LRRC71: variants seen among roughly 807,000 people sequenced by gnomAD.
LRRC71 encodes the protein leucine-rich repeat-containing protein 71.
In LRRC71, 54 loss-of-function variants were observed where a neutral mutation model predicts 66.6. The ratio of observed to expected loss-of-function variants is 0.81; its 90% CI spans 0.65 to 1.02. The LOEUF is 1.02. LRRC71 is among the 50% of genes least tolerant of loss of function. LRRC71 has a pLI of 0.00. For synonymous variants in LRRC71, 323 were observed against 303.9 expected, an observed-to-expected ratio of 1.06 and a Z score of -0.65; for missense variants, 724 against 718.0, an observed-to-expected ratio of 1.01 and a Z score of -0.10.
At chr1:156,935,803 A>G (rs1654937224), downstream of LRRC71, 1 of 607,648 alleles carries the variant, frequency 1.6e-6, no homozygotes, top group Non-Finnish European at 2.9e-6. Context: ...AGGGAGGGAA[A>G]AGACACTGAA....
chr1:156,930,508 T>C, intron 11 of LRRC71, 21 bp from the exon 12 acceptor site: 1 of 1,550,594 alleles, frequency 6.4e-7, no homozygotes, highest in Non-Finnish European at 8.7e-7. Flanking sequence ...CTGTGCATTC[T>C]GGCTCCTCTT....
Position 156,920,968 on chromosome 1 carries a change from G to T in LRRC71, c.160+5G>T, listed in dbSNP as rs1472204195. ...AGGAGGAGCCCAAAAGCCCTGGTAC[G>T]CTGGCGCCGGGGTTTGGGGATCGGG... On this transcript the variant is annotated splice_donor_5th_base_variant and intron_variant, in intron 1 of 14. Coordinates refer to ENST00000337428, the MANE Select transcript of LRRC71 (RefSeq NM_144702.3). The surrounding 1 kb of genome is among the most constrained non-coding windows in gnomAD (Gnocchi z 4.9). The T allele has an allele frequency of 2.3e-5, 35 of 1,498,132 alleles. No homozygotes were observed. Among genetic ancestry groups the T allele is most frequent in the Non-Finnish European group, 2.9e-5 (33 of 1,120,154 alleles). The allele number at this position is 1,498,132 out of a possible 1,614,324, so 92.8% of individuals were successfully genotyped here. A position where few individuals can be genotyped will look rare whatever the true frequency, so the allele number is the denominator to read the frequency against.
chr1:156,928,455 C>CTTT (rs201343403), intron 9 of LRRC71, among the ~76,000 whole-genome samples: 1 of 143,284 alleles, frequency 7.0e-6, no homozygotes, highest in African/African-American at 2.7e-5. Flanking sequence ...TCCTCCTCTT[C>CTTT]TTCTCCTTCT....
rs1466474618 is a variant in LRRC71 at position 156,929,145 on chromosome 1, A to AT, written c.997-132dup. 2.9e-6 allele frequency: 3 copies of AT among 1,040,054 alleles called. No individual in the cohort carries two copies. The East Asian group carries it at 7.9e-5, about 27-fold the overall frequency. 64.4% of individuals were successfully genotyped at this position (1,040,054 alleles called of 1,614,324 possible). ...GGAGTCCTATACAAATTATTTTAGC[A>AT]TTTAGGCAGGGAGGTGGGTGGGAGG... is the stretch of plus-strand genomic sequence containing the variant. On this transcript the variant is annotated intron_variant, in intron 9 of 14. Transcript: ENST00000337428.
rs937066453 is a variant in LRRC71, at chr1:156,924,545, C to T, written c.432C>T (p.Tyr144=). 3.2e-6 allele frequency: 5 copies of T among 1,551,518 alleles called. No homozygotes were observed. Among genetic ancestry groups the T allele is most frequent in the Admixed American group, 2.0e-5 (1 of 50,996 alleles). ...QEDSKSVKEI[Y]IRGWKVEERI... is the part of the protein sequence containing the mutation. Reference sequence around the variant, plus strand: ...ACAGCAAGTCAGTGAAGGAAATCTACATCCGCGGTGAGCCCCGCTCCCCCC... The same window carrying T: ...ACAGCAAGTCAGTGAAGGAAATCTATATCCGCGGTGAGCCCCGCTCCCCCC... Residue 144 remains tyrosine, a synonymous_variant, in exon 3 of 15, where the codon TAC becomes TAT. Transcript: ENST00000337428.
intron 1 of LRRC71, chr1:156,921,522 C>A: frequency 2.0e-6 from 1 of 506,536 alleles, no homozygotes; most frequent in Non-Finnish European, 2.5e-6. Context: ...CAAGAACTTG[C>A]TGTCTCTGGA....
chr1:156,929,610 C>A, intron 10 of LRRC71, 26 bp from the exon 11 acceptor site: 1 of 1,565,218 alleles, frequency 6.4e-7, no homozygotes, highest in Non-Finnish European at 8.7e-7. Flanking sequence ...GTGGGACTTG[C>A]CCCTCTCTTC....
At chr1:156,929,223 C>T in intron 9 of LRRC71, 57 bp from the exon 10 acceptor site, 1 of 1,547,952 alleles carries the variant, frequency 6.5e-7, no homozygotes, top group Non-Finnish European at 8.7e-7. Context: ...CTTTCATGCC[C>T]CCATTGAGGA....
At chr1:156,936,657 T>C (rs151003739), downstream of LRRC71, among the ~76,000 whole-genome samples, 217 of 151,806 alleles carry the variant, frequency 1.4e-3, 1 homozygote, top group African/African-American at 4.8e-3. Context: ...GGGACTTCCC[T>C]AAAAAGATCC....
chr1:156,921,712 AACACACACACACACACACACACACACAC>A (rs34547094), intron 1 of LRRC71: 5 of 278,486 alleles, frequency 1.8e-5, no homozygotes, highest in African/African-American at 8.2e-5. Flanking sequence ...TTACATTCAA[AACACACACACACACACACACACACACAC>A]ACACACACAC....
At chr1:156,928,145 T>C in intron 9 of LRRC71, 141 bp downstream of exon 9, 1 of 854,100 alleles carries the variant, frequency 1.2e-6, no homozygotes, top group Non-Finnish European at 1.8e-6. Context: ...CTCCGATTTC[T>C]GCACAGACTT....
At chr1:156,927,876 T>A (rs1326257331) in intron 8 of LRRC71, 39 bp from the exon 9 acceptor site, 2 of 1,610,384 alleles carry the variant, frequency 1.2e-6, no homozygotes, top group East Asian at 4.5e-5. Flanking sequence ...CGACCCTGAC[T>A]ACCCAGGCGT....
downstream of LRRC71, chr1:156,934,963 A>AT (rs1654807138): frequency 6.7e-6 from 1 of 148,202 alleles, no homozygotes; most frequent in Non-Finnish European, 1.5e-5. Context: ...TATTATATAT[A>AT]TATTTATATA....
At chr1:156,926,347 T>C (rs1168998158) in intron 5 of LRRC71, among the ~76,000 whole-genome samples, 1 of 152,210 alleles carries the variant, frequency 6.6e-6, no homozygotes, top group Non-Finnish European at 1.5e-5. Flanking sequence ...GGATCAACTG[T>C]GGTGGAGAAT....
Position 156,927,655 on chromosome 1 carries a change from C to T in LRRC71, c.822C>T (p.Asp274=), listed in dbSNP as rs1204236261. 6.2e-7 allele frequency: 1 copy of T among 1,606,536 alleles called. No individual in the cohort carries two copies. The highest frequency in any genetic ancestry group is 2.2e-5 in the East Asian group (1 of 44,794). The change falls in exon 7 of 15, where the codon GAC becomes GAT. Residue 274 remains aspartate, a splice_region_variant and synonymous_variant. Transcript: ENST00000337428. ...ACGAGGGCGCAGGCTACATCGCGGA[C>T]GTGAGTGCACGGCGGGGAGGGACCT... ...IGDEGAGYIA[D]GLRLNRSLLW...
intron 1 of LRRC71, among the ~76,000 whole-genome samples, chr1:156,923,205 T>C (rs926577904): frequency 6.6e-6 from 1 of 152,170 alleles, no homozygotes; most frequent in Non-Finnish European, 1.5e-5. Flanking sequence ...TGCTGTTCTG[T>C]GGAGCTCCAG....
At chr1:156,935,046 G>A (rs1056425513), downstream of LRRC71, 2 of 151,954 alleles carry the variant, frequency 1.3e-5, no homozygotes, top group African/African-American at 2.4e-5. Context: ...TGAGGACGTG[G>A]TGATGGGGCC....
chr1:156,923,898 A>T (rs1571029005), intron 1 of LRRC71, 51 bp from the exon 2 acceptor site: 8 of 1,418,100 alleles, frequency 5.6e-6, no homozygotes, highest in Middle Eastern at 2.6e-4. Flanking sequence ...GAGCTTGGGG[A>T]TGCGGGGGTG....
the LRRC71 span, chr1:156,939,322 T>C: frequency 1.7e-6 from 1 of 604,482 alleles, no homozygotes; most frequent in Admixed American, 3.1e-5. Flanking sequence ...CAGAATTTTG[T>C]CTAAAGCCAC....
Sources: allele counts gnomAD v4.1 joint callset (sites outside exome capture counted in the v4.1 genomes callset), GRCh38; gene constraint gnomAD v4.1.1; non-coding constraint Gnocchi (gnomAD v3.1); transcripts MANE v1.5; gene names NCBI Gene and HGNC (gene_info 2026-07-23, HGNC 2026-07-21).